CCDC175: variants seen among roughly 807,000 people sequenced by gnomAD.
CCDC175 encodes coiled-coil domain containing 175.
A neutral mutation model predicts 114.6 loss-of-function variants in CCDC175; 100 were observed. The ratio of observed to expected loss-of-function variants is 0.87; its 90% CI spans 0.74 to 1.03. CCDC175 has a LOEUF of 1.03. Ranked by LOEUF, CCDC175 falls within the 50% of genes least tolerant of loss-of-function variation. CCDC175 has a pLI of 0.00. For missense variants in CCDC175, 880 were observed against 917.8 expected (o/e 0.96, Z 0.53); for synonymous variants, 306 against 308.7 (o/e 0.99, Z 0.09).
rs1017938602 is a variant in CCDC175 at position 59,576,727 on chromosome 14, C to G, written c.49G>C (p.Val17Leu). 1.4e-6 allele frequency: 2 copies of G among 1,476,020 alleles called. No homozygotes were observed. The highest frequency in any genetic ancestry group is 1.5e-5 in the African/African-American group (1 of 68,600). The allele number at this position is 1,476,020 out of a possible 1,614,324, so 91.4% of individuals were successfully genotyped here. A position where few individuals can be genotyped will look rare whatever the true frequency, so the allele number is the denominator to read the frequency against. ...TPGLGAGEKL[V>L]QAAAVSTGPS... is the part of the protein sequence containing the mutation. ...CCAGTGGAGACGGCAGCCGCCTGCA[C>G]CAGCTTCTCGCCAGCGCCCAGCCCT... The change falls in exon 1 of 20, where the codon GTG (valine) becomes CTG (leucine). Residue 17 changes from valine (V) to leucine (L), a missense_variant. Coordinates refer to ENST00000537690, the MANE Select transcript of CCDC175 (RefSeq NM_001164399.2).
At chr14:59,556,776 AC>A (rs544056105) in intron 7 of CCDC175, among the ~76,000 whole-genome samples, 119 of 152,328 alleles carry the variant, frequency 7.8e-4, no homozygotes, top group Non-Finnish European at 1.2e-3. Flanking sequence ...TAAGAAAAAA[AC>A]AAACAACACC....
chr14:59,526,621 C>T (rs1389133035), intron 15 of CCDC175, among the ~76,000 whole-genome samples: 1 of 151,754 alleles, frequency 6.6e-6, no homozygotes, highest in African/African-American at 2.4e-5. Context: ...TTTTAATTAA[C>T]CAATTCCACA....
At chr14:59,506,450 G>C (rs959039765) in intron 19 of CCDC175, among the ~76,000 whole-genome samples, 1 of 151,994 alleles carries the variant, frequency 6.6e-6, no homozygotes, top group Non-Finnish European at 1.5e-5. Flanking sequence ...ATGACACCCA[G>C]CTAATTTTTG....
chr14:59,507,436 T>C (rs995074475), intron 19 of CCDC175, among the ~76,000 whole-genome samples: 4 of 152,214 alleles, frequency 2.6e-5, no homozygotes, highest in Non-Finnish European at 5.9e-5. Context: ...TCTGCTCCAG[T>C]GTCAGGCTCC....
At chr14:59,545,076 G>A in intron 9 of CCDC175, 87 bp downstream of exon 9, 2 of 1,269,490 alleles carry the variant, frequency 1.6e-6, no homozygotes, top group South Asian at 1.6e-5. Context: ...ACTAGGATAA[G>A]TTTAAGTGGA....
chr14:59,562,814 T>TC, intron 6 of CCDC175, among the ~76,000 whole-genome samples: 1 of 152,342 alleles, frequency 6.6e-6, no homozygotes, highest in South Asian at 2.1e-4. Flanking sequence ...ATATAGCCTT[T>TC]CTATTTTCCT....
chr14:59,549,307 A>T (rs964320711), intron 8 of CCDC175, among the ~76,000 whole-genome samples: 1 of 152,140 alleles, frequency 6.6e-6, no homozygotes, highest in Non-Finnish European at 1.5e-5. Flanking sequence ...TGAACTGAGG[A>T]GTTCACAACC....
Position 59,576,611 on chromosome 14 carries a change from C to T in CCDC175, c.157+8G>A. 2 of 1,430,938 alleles carry T rather than the reference C, an allele frequency of 1.4e-6. No individual in the cohort carries two copies. The highest frequency in any genetic ancestry group is 1.8e-6 in the Non-Finnish European group (2 of 1,100,982). 88.6% of individuals were successfully genotyped at this position (1,430,938 alleles called of 1,614,324 possible). On this transcript the variant is annotated splice_region_variant and intron_variant, in intron 1 of 19. Coordinates refer to ENST00000537690, the MANE Select transcript of CCDC175 (RefSeq NM_001164399.2). ...GACGTCCCTTCCAGCGCCCGAGGGG[C>T]GTCTTACCCACAACAAACAGCTGCT...
In CCDC175 at chr14:59,555,313, T is replaced by C. The variant is rs1595058667; in HGVS notation, c.954-3877A>G. On this transcript the variant is annotated intron_variant, in intron 7 of 19. Coordinates refer to ENST00000537690, the MANE Select transcript of CCDC175 (RefSeq NM_001164399.2). ...TGGGATTCAAGGCTGGTTCAACACA[T>C]GCAAATCAATAAACGTAATCCAGCA... 3.3e-5 allele frequency among the ~76,000 whole-genome samples: 5 copies of C among 152,142 alleles called. No individual in the cohort carries two copies. In the South Asian group the frequency reaches 1.0e-3, roughly 32 times the overall value.
At position 59,551,435 on chromosome 14, in the gene CCDC175, A is replaced by G. The variant is rs1808939545; in HGVS notation, c.955T>C (p.Cys319Arg). 1.4e-6 allele frequency: 2 copies of G among 1,406,974 alleles called. No individual in the cohort carries two copies. The highest frequency in any genetic ancestry group is 1.9e-6 in the Non-Finnish European group (2 of 1,059,342). 87.2% of individuals were successfully genotyped at this position (1,406,974 alleles called of 1,614,324 possible). A position where few individuals can be genotyped will look rare whatever the true frequency, so the allele number is the denominator to read the frequency against. ...KDLAILEAKL[C>R]FFTDNKEKLD... is the part of the protein sequence containing the mutation. ...TTTTCTTTGTTATCTGTGAAAAAAC[A>G]CCTATGAACAAAGGAAGCCAAACAG... The change falls in exon 8 of 20, where the codon TGT (cysteine) becomes CGT (arginine). Residue 319 changes from cysteine (C) to arginine (R), a missense_variant and splice_region_variant. Cys to Arg is a radical substitution (Grantham distance 180). Transcript: ENST00000537690.
At chr14:59,554,688 G>C (rs1019078142) in intron 7 of CCDC175, among the ~76,000 whole-genome samples, 1 of 152,028 alleles carries the variant, frequency 6.6e-6, no homozygotes, top group Non-Finnish European at 1.5e-5. Context: ...CTGGTTTTTT[G>C]AAAAGATCAA....
At chr14:59,544,188 C>T (rs1219051110) in intron 9 of CCDC175, among the ~76,000 whole-genome samples, 4 of 152,114 alleles carry the variant, frequency 2.6e-5, no homozygotes, top group South Asian at 2.1e-4. Flanking sequence ...TGTTTTGAGA[C>T]GGAGTCTGGC....
At chr14:59,550,136 T>G (rs1490194106) in intron 8 of CCDC175, among the ~76,000 whole-genome samples, 1 of 152,162 alleles carries the variant, frequency 6.6e-6, no homozygotes, top group Non-Finnish European at 1.5e-5. Flanking sequence ...CTCAAACCCC[T>G]GACCCCAGGT....
chr14:59,506,500 C>A (rs1892404366), intron 19 of CCDC175, among the ~76,000 whole-genome samples: 1 of 152,050 alleles, frequency 6.6e-6, no homozygotes, highest in Non-Finnish European at 1.5e-5. Context: ...GTTGGTCAGG[C>A]TGGTCTTGCA....
chr14:59,528,330 C>A (rs112022786), intron 14 of CCDC175, among the ~76,000 whole-genome samples: 1,805 of 152,048 alleles, frequency 0.012, 27 homozygotes, highest in African/African-American at 0.042. Context: ...TTAGTCTTTT[C>A]TTTTAAATAT....
chr14:59,556,882 C>G (rs942765867), intron 7 of CCDC175, among the ~76,000 whole-genome samples: 31 of 152,024 alleles, frequency 2.0e-4, no homozygotes, highest in Non-Finnish European at 3.7e-4. Flanking sequence ...TCATCACTGG[C>G]CATCAGAGAA....
intron 11 of CCDC175, among the ~76,000 whole-genome samples, chr14:59,539,909 C>A (rs1419904997): frequency 6.6e-6 from 1 of 151,900 alleles, no homozygotes; most frequent in African/African-American, 2.4e-5. Context: ...CAAAAACAAA[C>A]AAACAAACAA....
At chr14:59,533,179 G>C (rs1894167862) in intron 13 of CCDC175, among the ~76,000 whole-genome samples, 1 of 152,098 alleles carries the variant, frequency 6.6e-6, no homozygotes, top group South Asian at 2.1e-4. Context: ...GTTCATATAG[G>C]AACTAATATC....
At position 59,563,756 on chromosome 14, in the gene CCDC175, GTTTCT is replaced by G; in HGVS notation, c.819_823del (p.Lys273AsnfsTer10). 2 of 1,433,498 alleles carry G rather than the reference GTTTCT, an allele frequency of 1.4e-6. No individual in the cohort carries two copies. Among genetic ancestry groups the G allele is most frequent in the Non-Finnish European group, 1.8e-6 (2 of 1,096,248 alleles). 88.8% of individuals were successfully genotyped at this position (1,433,498 alleles called of 1,614,324 possible). On this transcript the variant is annotated frameshift_variant, in exon 6 of 20. Coordinates refer to ENST00000537690, the MANE Select transcript of CCDC175 (RefSeq NM_001164399.2). LOFTEE classifies it high-confidence loss of function. ...TCTTACCGCTGCGGAAACAGTAACT[GTTTCT>G]TTTATTTTTGACATTTTAGTTTGTA...
Sources: allele counts gnomAD v4.1 joint callset (sites outside exome capture counted in the v4.1 genomes callset), GRCh38; gene constraint gnomAD v4.1.1; transcripts MANE v1.5; gene names NCBI Gene and HGNC (gene_info 2026-07-23, HGNC 2026-07-21).